Variants in ETV3 observed in about 807,000 individuals in gnomAD.
The protein encoded by ETV3 is ETS translocation variant 3.
In ETV3, 8 loss-of-function variants were observed where a neutral mutation model predicts 33.0. The observed-to-expected ratio is 0.24, with a 90% CI of 0.14 to 0.44. The LOEUF (loss-of-function observed/expected upper bound fraction) is 0.44. ETV3 is among the 20% of genes least tolerant of loss of function. The pLI is 1.00. For synonymous variants in ETV3, 222 were observed against 238.9 expected, an observed-to-expected ratio of 0.93 and a Z score of 0.65; for missense variants, 473 against 652.3, an observed-to-expected ratio of 0.73 and a Z score of 2.99.
At position 157,135,599 on chromosome 1, in the gene ETV3, A is replaced by G. The variant is rs772238320; in HGVS notation, c.156T>C (p.His52=). 8 of 1,614,010 alleles carry G rather than the reference A, an allele frequency of 5.0e-6. No individual in the cohort carries two copies. Among genetic ancestry groups the G allele is most frequent in the Admixed American group, 3.3e-5 (2 of 60,008 alleles). The change falls in exon 3 of 5, where the codon CAT becomes CAC. Residue 52 remains histidine, a synonymous_variant. Transcript: ENST00000368192. ...ACTCTCCCTGCTGCCAGGCGATGACATGGCGGAACTCTTCCTTCTGCAGCA... is the reference window on the plus strand; with the variant it reads ...ACTCTCCCTGCTGCCAGGCGATGACGTGGCGGAACTCTTCCTTCTGCAGCA... ...LELLQKEEFR[H]VIAWQQGEYG...
chr1:157,130,891 C>A (rs919320545), intron 4 of ETV3, among the ~76,000 whole-genome samples: 1 of 152,066 alleles, frequency 6.6e-6, no homozygotes, highest in African/African-American at 2.4e-5. Context: ...TGTTAAACAT[C>A]CTGGGTGTGG....
At chr1:157,129,782 T>C (rs1324315273) in intron 4 of ETV3, among the ~76,000 whole-genome samples, 1 of 152,142 alleles carries the variant, frequency 6.6e-6, no homozygotes, top group Non-Finnish European at 1.5e-5. Flanking sequence ...AAGAAGGAAG[T>C]ATAATGTGCA....
At chr1:157,138,085 T>C (rs900450913) in intron 1 of ETV3, among the ~76,000 whole-genome samples, 2 of 152,144 alleles carry the variant, frequency 1.3e-5, no homozygotes, top group Non-Finnish European at 2.9e-5. Flanking sequence ...CGGGCTTCCC[T>C]TAACCGTGGC....
In ETV3 at chr1:157,138,300, C is replaced by A. The variant is rs115518455; in HGVS notation, c.-14+16G>T. ...AACCCAGACACCCCGGCGGCCGAGG[C>A]GAGGCCGGGACTCACCTCTTCCCGG... On this transcript the variant is annotated intron_variant, in intron 1 of 4. Transcript: ENST00000368192. The A allele has an allele frequency of 3.6e-3, 545 of 152,272 alleles. 1 individual carries two copies. Among genetic ancestry groups the A allele is most frequent in the Non-Finnish European group, 6.1e-3 (413 of 68,032 alleles). 9.4% of individuals were successfully genotyped at this position (152,272 alleles called of 1,614,324 possible).
At position 157,124,921 on chromosome 1, in the gene ETV3, G is replaced by C. The variant is rs1200199992; in HGVS notation, c.1459C>G (p.Arg487Gly). Reference sequence around the variant, plus strand: ...AACTTGCCACTCTTGCTCAGCTCTCGGGCTTCAGGGTCATCATTCCAGCGC... The same window carrying C: ...AACTTGCCACTCTTGCTCAGCTCTCCGGCTTCAGGGTCATCATTCCAGCGC... The part of the protein sequence containing the change: ...KRRWNDDPEA[R>G]ELSKSGKFLW... Residue 487 changes from arginine (R) to glycine (G), a missense_variant, in exon 5 of 5, where the codon CGA (arginine) becomes GGA (glycine). By Grantham distance (125) the Arg-to-Gly change is moderately radical. Coordinates refer to ENST00000368192, the MANE Select transcript of ETV3 (RefSeq NM_001145312.3). The C allele has an allele frequency of 3.2e-6, 5 of 1,551,526 alleles. No individual in the cohort carries two copies. Among genetic ancestry groups the C allele is most frequent in the Admixed American group, 2.0e-5 (1 of 50,964 alleles).
intron 1 of ETV3, 91 bp from the exon 2 acceptor site, chr1:157,136,456 T>C (rs947883053): frequency 2.2e-5 from 26 of 1,160,770 alleles, no homozygotes; most frequent in Middle Eastern, 2.0e-4. Context: ...CAAACTTCCT[T>C]TCCCCTGTTC....
In ETV3 at chr1:157,123,244, C is replaced by T. The variant is rs1030598416; in HGVS notation, c.*1597G>A. ...AGCCACAGTCAGGTACCAATGTACA[C>T]GACATAGGCACATGTGCAAACACAA... On this transcript the variant is annotated 3_prime_UTR_variant, in exon 5 of 5. Transcript: ENST00000368192. 1.3e-5 allele frequency: 2 copies of T among 152,240 alleles called. No individual in the cohort carries two copies. The highest frequency in any genetic ancestry group is 1.9e-4 in the East Asian group (1 of 5,196). The allele number at this position is 152,240 out of a possible 1,614,324, so 9.4% of individuals were successfully genotyped here.
Position 157,125,043 on chromosome 1 carries a change from T to A in ETV3, c.1337A>T (p.Glu446Val), listed in dbSNP as rs1368216240. The change falls in exon 5 of 5, where the codon GAG (glutamate) becomes GTG (valine). Residue 446 changes from glutamate to valine, a missense_variant. By Grantham distance (121) the Glu-to-Val change is moderately radical. Coordinates refer to ENST00000368192, the MANE Select transcript of ETV3 (RefSeq NM_001145312.3). This position sits in a 1 kb window ranked among gnomAD's most constrained non-coding sequence, Gnocchi z 4.0. ...CCTATCCTCACTGTCTTCAGTCACCTCCAGAGGTTCTCCACTTGGGGTGCT... is the reference window on the plus strand; with the variant it reads ...CCTATCCTCACTGTCTTCAGTCACCACCAGAGGTTCTCCACTTGGGGTGCT... ...PISTPSGEPL[E>V]VTEDSEDRPG... The A allele has an allele frequency of 3.9e-6, 6 of 1,550,384 alleles. No individual in the cohort carries two copies. Among genetic ancestry groups the A allele is most frequent in the Admixed American group, 3.9e-5 (2 of 50,890 alleles).
In ETV3 at chr1:157,134,244, A is replaced by G. The variant is rs758048645; in HGVS notation, c.285-17T>C. 6.2e-6 allele frequency: 10 copies of G among 1,609,450 alleles called. No individual in the cohort carries two copies. The highest frequency in any genetic ancestry group is 2.7e-5 in the African/African-American group (2 of 74,668). On this transcript the variant is annotated splice_polypyrimidine_tract_variant and intron_variant, in intron 3 of 4. Coordinates refer to ENST00000368192, the MANE Select transcript of ETV3 (RefSeq NM_001145312.3). ...TAATAGTATCTGTAAAAACAGGAAT[A>G]CATGTCCATTCGTCTTGTAGCTACT...
At chr1:157,134,273 A>G (rs1283198265) in intron 3 of ETV3, 46 bp from the exon 4 acceptor site, 1 of 1,591,592 alleles carries the variant, frequency 6.3e-7, no homozygotes, top group Admixed American at 1.8e-5. Flanking sequence ...AGCTACTGAC[A>G]GCTTTCAATA....
chr1:157,125,787 G>A lies in ETV3; in HGVS notation c.593C>T (p.Ser198Leu), dbSNP rs1166194726. 4.5e-6 allele frequency: 7 copies of A among 1,551,578 alleles called. No individual in the cohort carries two copies. Among genetic ancestry groups the A allele is most frequent in the Non-Finnish European group, 5.2e-6 (6 of 1,147,012 alleles). ...CACACCCCGGCGCCAGTCAGCAGCTGAGCCATCCTCCAGCTCTGAAAGCTC... is the reference window on the plus strand; with the variant it reads ...CACACCCCGGCGCCAGTCAGCAGCTAAGCCATCCTCCAGCTCTGAAAGCTC... ...KTELSELEDG[S>L]AADWRRGVDP... is the part of the protein sequence containing the mutation. Residue 198 changes from serine (S) to leucine (L), a missense_variant, in exon 5 of 5, where the codon TCA becomes TTA. This residue lies in a region of ETV3 where 410 missense variants were observed against 520.2 expected (regional missense o/e 0.79). Coordinates refer to ENST00000368192, the MANE Select transcript of ETV3 (RefSeq NM_001145312.3). The surrounding 1 kb of genome is among the most constrained non-coding windows in gnomAD (Gnocchi z 4.0).
At chr1:157,129,822 G>T (rs1369439912) in intron 4 of ETV3, among the ~76,000 whole-genome samples, 2 of 152,128 alleles carry the variant, frequency 1.3e-5, no homozygotes, top group Non-Finnish European at 2.9e-5. Context: ...AAGCAACTTA[G>T]AAATGCTTGG....
intron 3 of ETV3, 171 bp downstream of exon 3, chr1:157,135,300 T>A: frequency 1.3e-6 from 1 of 764,858 alleles, no homozygotes; most frequent in Non-Finnish European, 2.1e-6. Flanking sequence ...TCTCCTCCTG[T>A]GCCTATGCTA....
Position 157,124,768 on chromosome 1 carries a change from C to T in ETV3, c.*73G>A. 1 of 571,376 alleles carries T rather than the reference C, an allele frequency of 1.8e-6. No individual in the cohort carries two copies. Among genetic ancestry groups the T allele is most frequent in the Non-Finnish European group, 2.6e-6 (1 of 377,826 alleles). 35.4% of individuals were successfully genotyped at this position (571,376 alleles called of 1,614,324 possible). A position where few individuals can be genotyped will look rare whatever the true frequency, so the allele number is the denominator to read the frequency against. The stretch of plus-strand genomic sequence containing the variant: ...ACCAGTTTAACTCCCTCCCCCCCAC[C>T]CTGAAATCTTGCTACATAAATACAT... On this transcript the variant is annotated 3_prime_UTR_variant, in exon 5 of 5. Transcript: ENST00000368192.
chr1:157,121,490 G>A lies in ETV3; in HGVS notation c.*3351C>T, dbSNP rs887876170. The stretch of plus-strand genomic sequence containing the variant: ...GTGAAGTCACCTTTCACATGTAAAT[G>A]TCTCATTCACAAATCCCTGCATCAC... On this transcript the variant is annotated 3_prime_UTR_variant, in exon 5 of 5. Transcript: ENST00000368192. 3 of 152,140 alleles carry A rather than the reference G, an allele frequency of 2.0e-5. No individual in the cohort carries two copies. The highest frequency in any genetic ancestry group is 2.9e-5 in the Non-Finnish European group (2 of 68,032). 9.4% of individuals were successfully genotyped at this position (152,140 alleles called of 1,614,324 possible). A position where few individuals can be genotyped will look rare whatever the true frequency, so the allele number is the denominator to read the frequency against.
In ETV3 at chr1:157,124,754, T is replaced by TTACCCCCCCCCC; in HGVS notation, c.*86_*87insGGGGGGGGGGTA. The TTACCCCCCCCCC allele has an allele frequency of 3.0e-6, 1 of 328,824 alleles. No homozygotes were observed. The highest frequency in any genetic ancestry group is 5.9e-6 in the Non-Finnish European group (1 of 168,370). The allele number at this position is 328,824 out of a possible 1,614,324, so 20.4% of individuals were successfully genotyped here. A position where few individuals can be genotyped will look rare whatever the true frequency, so the allele number is the denominator to read the frequency against. On this transcript the variant is annotated 3_prime_UTR_variant, in exon 5 of 5. Coordinates refer to ENST00000368192, the MANE Select transcript of ETV3 (RefSeq NM_001145312.3). Reference sequence around the variant, plus strand: ...CCTAGAATGATCAAACCAGTTTAACTCCCTCCCCCCCACCCTGAAATCTTG... The same window carrying TTACCCCCCCCCC: ...CCTAGAATGATCAAACCAGTTTAACTTACCCCCCCCCCCCCTCCCCCCCACCCTGAAATCTTG...
chr1:157,134,691 G>A lies in ETV3; in HGVS notation c.285-464C>T, dbSNP rs184553702. ...CAAAGGAATGTACAACTGTTTTATG[G>A]TGGCAGGTCAAACAATGGCATGCCC... On this transcript the variant is annotated intron_variant, in intron 3 of 4. Coordinates refer to ENST00000368192, the MANE Select transcript of ETV3 (RefSeq NM_001145312.3). 1.7e-3 allele frequency among the ~76,000 whole-genome samples: 264 copies of A among 152,314 alleles called. 1 individual carries two copies. Among genetic ancestry groups the A allele is most frequent in the African/African-American group, 6.0e-3 (250 of 41,562 alleles).
intron 4 of ETV3, 82 bp from the exon 5 acceptor site, chr1:157,126,061 A>G (rs2231855): frequency 0.014 from 17,137 of 1,222,770 alleles, 162 homozygotes; most frequent in Non-Finnish European, 0.016. Context: ...AGTGCAAAAT[A>G]TTTAGTAGTA....
intron 4 of ETV3, among the ~76,000 whole-genome samples, chr1:157,129,952 T>G (rs942179295): frequency 6.6e-6 from 1 of 152,068 alleles, no homozygotes; most frequent in Admixed American, 6.6e-5. Context: ...CAAGCAATTC[T>G]TCTGCCTCAG....
Sources: gnomAD v4.1 joint callset for allele counts (sites outside exome capture counted in the v4.1 genomes callset) on GRCh38, gnomAD v4.1.1 for gene constraint, gnomAD v4.1.1 regional missense constraint, Gnocchi (gnomAD v3.1) non-coding constraint, MANE v1.5 for transcripts, NCBI Gene and HGNC (gene_info 2026-07-23, HGNC 2026-07-21) for gene names.